The following SETD1A variants were observed in gnomAD, a reference collection of about 807,000 sequenced individuals.
SETD1A encodes SET domain containing 1A, histone lysine methyltransferase, also known as histone-lysine N-methyltransferase SETD1A.
Under a neutral mutation model 149.9 loss-of-function variants are expected in SETD1A, and 29 were observed. The ratio of observed to expected loss-of-function variants is 0.19; its 90% CI spans 0.14 to 0.26. The LOEUF is 0.26. Ranked by LOEUF, SETD1A falls within the 10% of genes least tolerant of loss-of-function variation. SETD1A has a pLI of 1.00. For synonymous variants in SETD1A, 1,141 were observed against 968.5 expected, an observed-to-expected ratio of 1.18 and a Z score of -3.31; for missense variants, 2,109 against 2,353.1, an observed-to-expected ratio of 0.90 and a Z score of 2.15.
At position 30,959,195 on chromosome 16, in the gene SETD1A, C is replaced by T. The variant is rs572613453; in HGVS notation, c.246+9C>T. The T allele has an allele frequency of 4.5e-6, 7 of 1,561,676 alleles. No homozygotes were observed. The highest frequency in any genetic ancestry group is 2.7e-5 in the African/African-American group (2 of 73,908). ...CAGTCCCTAAGTTTAAGGTAAGTGT[C>T]TGCTGGGCTCCTGGTGTGGTAGTCC... is the stretch of plus-strand genomic sequence containing the variant. On this transcript the variant is annotated intron_variant, in intron 3 of 18. Coordinates refer to ENST00000262519, the MANE Select transcript of SETD1A (RefSeq NM_014712.3).
At chr16:30,966,725 CTT>C (rs927809517) in intron 8 of SETD1A, 157 bp from the exon 9 acceptor site, 9 of 458,124 alleles carry the variant, frequency 2.0e-5, no homozygotes, top group East Asian at 1.5e-4. Context: ...AAATGACAGA[CTT>C]TTGAGAAAAT....
Position 30,961,506 on chromosome 16 carries a change from C to T in SETD1A, c.486C>T (p.Gly162=). The change falls in exon 4 of 19, where the codon GGC becomes GGT. Residue 162 remains glycine (G), a synonymous_variant. Transcript: ENST00000262519. The surrounding 1 kb of genome is among the most constrained non-coding windows in gnomAD (Gnocchi z 4.0). ...ACCTCCACCTTACCTCCGTCATGGG[C>T]AACATCATCCATGCCCAGCTTGACA... The part of the protein sequence containing the change: ...VKNLHLTSVM[G]NIIHAQLDIK... 1 of 1,614,074 alleles carries T rather than the reference C, an allele frequency of 6.2e-7. No individual in the cohort carries two copies. The highest frequency in any genetic ancestry group is 8.5e-7 in the Non-Finnish European group (1 of 1,180,010).
chr16:30,966,963 C>T lies in SETD1A; in HGVS notation c.2585C>T (p.Ser862Phe), dbSNP rs999383883. 1 of 1,586,980 alleles carries T rather than the reference C, an allele frequency of 6.3e-7. No individual in the cohort carries two copies. Among genetic ancestry groups the T allele is most frequent in the African/African-American group, 1.3e-5 (1 of 74,724 alleles). Residue 862 changes from serine (S) to phenylalanine (F), a missense_variant, in exon 9 of 19, where the codon TCC (serine) becomes TTC (phenylalanine). Transcript: ENST00000262519. ...AAGCTGAAGGAGCCTGGCCTGCTGTCCCTCGTGGACTGGGCCAAGAGCGGG... is the reference window on the plus strand; with the variant it reads ...AAGCTGAAGGAGCCTGGCCTGCTGTTCCTCGTGGACTGGGCCAAGAGCGGG... Reference protein sequence around the residue: ...KTKLKEPGLLSLVDWAKSGGT... With the variant: ...KTKLKEPGLLFLVDWAKSGGT...
Position 30,979,770 on chromosome 16 carries a change from C to G in SETD1A, c.3984C>G (p.Phe1328Leu). 1 of 1,593,486 alleles carries G rather than the reference C, an allele frequency of 6.3e-7. No homozygotes were observed. The highest frequency in any genetic ancestry group is 8.5e-7 in the Non-Finnish European group (1 of 1,176,610). ...CAGTGCCCGCACCCGCCGCCCTCTT[C>G]AGTTCCCCAGCTGATGAGGTCCTGG... is the stretch of plus-strand genomic sequence containing the variant. ...PEPVPAPAAL[F>L]SSPADEVLEA... The change falls in exon 14 of 19, where the codon TTC becomes TTG. Residue 1328 changes from phenylalanine to leucine, a missense_variant. By Grantham distance (22) the Phe-to-Leu change is conservative. This residue lies in a region of SETD1A where 832 missense variants were observed against 815.6 expected (regional missense o/e 1.02). Coordinates refer to ENST00000262519, the MANE Select transcript of SETD1A (RefSeq NM_014712.3).
In SETD1A at chr16:30,967,061, G is replaced by C; in HGVS notation, c.2682+1G>C. On this transcript the variant is annotated splice_donor_variant, in intron 9 of 18. Transcript: ENST00000262519. LOFTEE classifies it high-confidence loss of function. ...GGCCCTGCGGCTGCCTTCATTCAAG[G>C]TACTCAGAACTGTCGTTTTGTGGGG... The C allele has an allele frequency of 6.4e-7, 1 of 1,566,844 alleles. No homozygotes were observed.
At position 30,983,797 on chromosome 16, in the gene SETD1A, G is replaced by A; in HGVS notation, c.4950+25G>A. 1.2e-6 allele frequency: 2 copies of A among 1,612,684 alleles called. No homozygotes were observed. Among genetic ancestry groups the A allele is most frequent in the Non-Finnish European group, 1.7e-6 (2 of 1,178,948 alleles). On this transcript the variant is annotated intron_variant, in intron 18 of 18. Coordinates refer to ENST00000262519, the MANE Select transcript of SETD1A (RefSeq NM_014712.3). This position sits in a 1 kb window ranked among gnomAD's most constrained non-coding sequence, Gnocchi z 6.8. ...GGTGCGCCAGGGGCCAGCCGGGGCAGGAGTTGGGGGTCGGTGGGGGTGGCC... is the reference window on the plus strand; with the variant it reads ...GGTGCGCCAGGGGCCAGCCGGGGCAAGAGTTGGGGGTCGGTGGGGGTGGCC...
In SETD1A at chr16:30,963,182, C is replaced by T. The variant is rs1475032001; in HGVS notation, c.518-251C>T. Among the ~76,000 whole-genome samples the T allele has an allele frequency of 3.9e-5, 6 of 152,114 alleles. No individual in the cohort carries two copies. In the East Asian group the frequency reaches 1.2e-3, roughly 29 times the overall value. On this transcript the variant is annotated intron_variant, in intron 4 of 18. Transcript: ENST00000262519. ...TACTGATGCTTCCCTTCTGGTGATC[C>T]AACATGGTAAAATAAGTAGAAGTGT...
chr16:30,965,329 G>A lies in SETD1A; in HGVS notation c.1587G>A (p.Glu529=). 1 of 1,614,210 alleles carries A rather than the reference G, an allele frequency of 6.2e-7. No individual in the cohort carries two copies. The highest frequency in any genetic ancestry group is 8.5e-7 in the Non-Finnish European group (1 of 1,180,040). The part of the protein sequence containing the change: ...MVLGARDTGS[E]VPSGSGHGPC... ...TTGGGGCCAGAGATACAGGGAGTGA[G>A]GTGCCTTCTGGGTCAGGGCATGGGC... Residue 529 remains glutamate (E), a synonymous_variant, in exon 7 of 19, where the codon GAG becomes GAA. Coordinates refer to ENST00000262519, the MANE Select transcript of SETD1A (RefSeq NM_014712.3).
chr16:30,958,868 A>T lies in SETD1A; in HGVS notation c.137A>T (p.His46Leu), dbSNP rs2056005358. The stretch of plus-strand genomic sequence containing the variant: ...AAGGTGTACCGCTATGATGGAGTCC[A>T]CTTCAGTGTCAACGTGAGTGCCCGG... The part of the protein sequence containing the change: ...SQKVYRYDGV[H>L]FSVNDSKYIP... Residue 46 changes from histidine to leucine, a missense_variant, in exon 2 of 19, where the codon CAC becomes CTC. His to Leu is a moderately conservative substitution (Grantham distance 99, BLOSUM62 -3). This residue lies in a region of SETD1A where 75 missense variants were observed against 95.3 expected (regional missense o/e 0.79). Transcript: ENST00000262519. The T allele has an allele frequency of 6.2e-7, 1 of 1,613,974 alleles. No individual in the cohort carries two copies. The highest frequency in any genetic ancestry group is 1.3e-5 in the African/African-American group (1 of 74,910).
At chr16:30,963,581 C>A in intron 5 of SETD1A, 27 bp downstream of exon 5, 3 of 1,603,136 alleles carry the variant, frequency 1.9e-6, no homozygotes, top group South Asian at 1.1e-5. Flanking sequence ...TACCACAGCC[C>A]CTAGCCATGT....
At chr16:30,969,557 C>T (rs770660045) in intron 11 of SETD1A, 45 bp from the exon 12 acceptor site, 16 of 1,602,258 alleles carry the variant, frequency 1.0e-5, no homozygotes, top group Non-Finnish European at 1.3e-5. Flanking sequence ...GGTGTAGGAC[C>T]AGTTGTCCCC....
At position 30,961,167 on chromosome 16, in the gene SETD1A, ATC is replaced by A. The variant is rs2056047284; in HGVS notation, c.247-92_247-91del. On this transcript the variant is annotated intron_variant, in intron 3 of 18. Transcript: ENST00000262519. This position sits in a 1 kb window ranked among gnomAD's most constrained non-coding sequence, Gnocchi z 4.0. ...CTTCCCTTGCCCCTCACTTTCCCGG[ATC>A]TCTCTCTTGACTTCATGGAGCTTGC... 2 of 1,258,558 alleles carry A rather than the reference ATC, an allele frequency of 1.6e-6. No homozygotes were observed. Among genetic ancestry groups the A allele is most frequent in the East Asian group, 2.3e-5 (1 of 42,648 alleles). 78.0% of individuals were successfully genotyped at this position (1,258,558 alleles called of 1,614,324 possible).
chr16:30,966,845 GT>G, intron 8 of SETD1A, 38 bp from the exon 9 acceptor site: 1 of 1,513,992 alleles, frequency 6.6e-7, no homozygotes, highest in Non-Finnish European at 8.9e-7. Context: ...GAATGCCTGG[GT>G]TCTGGGCGCT....
At position 30,964,146 on chromosome 16, in the gene SETD1A, C is replaced by T; in HGVS notation, c.692C>T (p.Thr231Ile). 1 of 1,614,184 alleles carries T rather than the reference C, an allele frequency of 6.2e-7. No homozygotes were observed. The highest frequency in any genetic ancestry group is 8.5e-7 in the Non-Finnish European group (1 of 1,180,008). Residue 231 changes from threonine (T) to isoleucine (I), a missense_variant, in exon 6 of 19, where the codon ACC (threonine) becomes ATC (isoleucine). Thr to Ile is a moderately conservative substitution (Grantham distance 89). Around this residue, in one of 8 missense-constraint regions of SETD1A, gnomAD observed 410 missense variants for 394.8 expected, o/e 1.04. Transcript: ENST00000262519. ...GACACAGCTGCCTACCCAGCAGGCA[C>T]CACTGCGGTGGGCACTCCTGGCAAC... Reference protein sequence around the residue: ...SSDTAAYPAGTTAVGTPGNGT... With the variant: ...SSDTAAYPAGITAVGTPGNGT...
intron 11 of SETD1A, 54 bp from the exon 12 acceptor site, chr16:30,969,548 G>T (rs778223709): frequency 1.9e-6 from 3 of 1,603,024 alleles, no homozygotes; most frequent in Non-Finnish European, 2.6e-6. Context: ...GCTGTGCCTG[G>T]TGTAGGACCA....
chr16:30,965,757 C>T lies in SETD1A; in HGVS notation c.1876C>T (p.Pro626Ser), dbSNP rs148246624. ...CCTGGCGTCCCTTCCTCTTGGTTAT[C>T]CTCCCCACCAACCTGCCTACCTCCT... ...PYLASLPLGY[P>S]PHQPAYLLPP... Residue 626 changes from proline to serine, a missense_variant, in exon 8 of 19, where the codon CCT becomes TCT. Around this residue, in one of 8 missense-constraint regions of SETD1A, gnomAD observed 431 missense variants for 388.6 expected, o/e 1.11. Coordinates refer to ENST00000262519, the MANE Select transcript of SETD1A (RefSeq NM_014712.3). 174 of 1,382,030 alleles carry T rather than the reference C, an allele frequency of 1.3e-4. No individual in the cohort carries two copies. The African/African-American group carries it at 2.0e-3, about 16-fold the overall frequency. 85.6% of individuals were successfully genotyped at this position (1,382,030 alleles called of 1,614,324 possible).
chr16:30,973,134 G>A (rs2056245104), intron 13 of SETD1A, among the ~76,000 whole-genome samples: 1 of 152,160 alleles, frequency 6.6e-6, no homozygotes, highest in African/African-American at 2.4e-5. Context: ...TGAAACTGGA[G>A]AAGTGAGTGA....
Position 30,967,093 on chromosome 16 carries a change from G to T in SETD1A, c.2682+33G>T, listed in dbSNP as rs371286125. 2.2e-4 allele frequency: 326 copies of T among 1,509,918 alleles called. 1 individual carries two copies. Among genetic ancestry groups the T allele is most frequent in the Non-Finnish European group, 2.7e-4 (304 of 1,124,380 alleles). 93.5% of individuals were successfully genotyped at this position (1,509,918 alleles called of 1,614,324 possible). On this transcript the variant is annotated intron_variant, in intron 9 of 18. Transcript: ENST00000262519. ...GAACTGTCGTTTTGTGGGGTAGGGTGGGGAGAGGGAGAGGGGGCCCCCTTC... is the reference window on the plus strand; with the variant it reads ...GAACTGTCGTTTTGTGGGGTAGGGTTGGGAGAGGGAGAGGGGGCCCCCTTC...
chr16:30,976,452 T>TG (rs1329720003), intron 13 of SETD1A, among the ~76,000 whole-genome samples: 3 of 152,126 alleles, frequency 2.0e-5, no homozygotes, highest in Non-Finnish European at 4.4e-5. Flanking sequence ...AAGAGGCTGC[T>TG]GGCTGGCTCC....
Sources: gnomAD v4.1 joint callset for allele counts (sites outside exome capture counted in the v4.1 genomes callset) on GRCh38, gnomAD v4.1.1 for gene constraint, gnomAD v4.1.1 regional missense constraint, Gnocchi (gnomAD v3.1) non-coding constraint, MANE v1.5 for transcripts, NCBI Gene and HGNC (gene_info 2026-07-23, HGNC 2026-07-21) for gene names.